THSD7B: variants seen among roughly 807,000 people sequenced by gnomAD.
THSD7B encodes the protein thrombospondin type 1 domain containing 7B, also known as thrombospondin type-1 domain-containing protein 7B.
Under a neutral mutation model 213.6 loss-of-function variants are expected in THSD7B, and 138 were observed. The observed-to-expected ratio is 0.65, with a 90% CI of 0.56 to 0.74. The LOEUF (loss-of-function observed/expected upper bound fraction) is 0.74, where lower values mean the gene tolerates loss of function less well. Among genes scored for constraint, THSD7B ranks in the 30% least tolerant of loss-of-function variants. THSD7B has a pLI of 0.00. For missense variants in THSD7B, 1,931 were observed against 1,991.5 expected (o/e 0.97, Z 0.58); for synonymous variants, 742 against 687.0 (o/e 1.08, Z -1.25).
chr2:137,450,559 C>T (rs1344881818), intron 14 of THSD7B, among the ~76,000 whole-genome samples: 1 of 152,150 alleles, frequency 6.6e-6, no homozygotes, highest in Non-Finnish European at 1.5e-5. Context: ...CCATCTTTAG[C>T]CCTGAGCTAC....
Position 136,885,069 on chromosome 2 carries a change from T to C in THSD7B, c.139+2752T>C, listed in dbSNP as rs143863697. 3.3e-3 allele frequency among the ~76,000 whole-genome samples: 499 copies of C among 152,308 alleles called. 3 individuals are homozygous for C. Among genetic ancestry groups the C allele is most frequent in the African/African-American group, 0.011 (477 of 41,568 alleles). ...ACACTGTATTGCAGTTGAAATTAGC[T>C]GTATTTTTAGGGTATGTTATCAAAT... On this transcript the variant is annotated intron_variant, in intron 2 of 27. Coordinates refer to ENST00000409968, the MANE Select transcript of THSD7B (RefSeq NM_001316349.2).
intron 2 of THSD7B, among the ~76,000 whole-genome samples, chr2:136,954,743 A>G (rs1377132573): frequency 1.3e-5 from 2 of 150,140 alleles, no homozygotes; most frequent in African/African-American, 4.9e-5. Context: ...AAGAAATTAC[A>G]TAAGAGCTTT....
intron 17 of THSD7B, among the ~76,000 whole-genome samples, chr2:137,591,770 A>G (rs1267359769): frequency 1.3e-5 from 2 of 151,878 alleles, no homozygotes; most frequent in Non-Finnish European, 2.9e-5. Flanking sequence ...ATGCCACGTT[A>G]TTTAGCTTAA....
At chr2:137,255,562 A>T (rs1682287455) in intron 10 of THSD7B, among the ~76,000 whole-genome samples, 1 of 152,154 alleles carries the variant, frequency 6.6e-6, no homozygotes, top group East Asian at 1.9e-4. Flanking sequence ...GTGAACTCTC[A>T]CCCTAATACT....
At chr2:137,361,491 A>C (rs1177466859) in intron 12 of THSD7B, among the ~76,000 whole-genome samples, 1 of 152,174 alleles carries the variant, frequency 6.6e-6, no homozygotes, top group East Asian at 1.9e-4. Flanking sequence ...TTGAAAAAAG[A>C]TTAGACGAAT....
intron 4 of THSD7B, among the ~76,000 whole-genome samples, chr2:137,110,042 C>A (rs1156578374): frequency 1.3e-5 from 2 of 152,140 alleles, no homozygotes; most frequent in Non-Finnish European, 2.9e-5. Flanking sequence ...ACTTGCCCAA[C>A]ATCCTTATGC....
chr2:136,902,519 G>C (rs1684080172), intron 2 of THSD7B, among the ~76,000 whole-genome samples: 2 of 152,200 alleles, frequency 1.3e-5, no homozygotes, highest in Admixed American at 6.5e-5. Context: ...CGCCCTCTGA[G>C]TCTGTCCTCC....
chr2:136,793,729 AT>A (rs1406093223), intron 1 of THSD7B, among the ~76,000 whole-genome samples: 3 of 151,832 alleles, frequency 2.0e-5, no homozygotes, highest in Non-Finnish European at 4.4e-5. Flanking sequence ...ATGATGTGTA[AT>A]TTATTTTCTT....
chr2:137,456,443 G>A (rs777656721), intron 15 of THSD7B, among the ~76,000 whole-genome samples: 2 of 152,180 alleles, frequency 1.3e-5, no homozygotes, highest in Non-Finnish European at 2.9e-5. Context: ...GAAATATATG[G>A]CTATGCTTCA....
At chr2:137,396,852 A>G (rs1686205090) in intron 12 of THSD7B, among the ~76,000 whole-genome samples, 1 of 151,720 alleles carries the variant, frequency 6.6e-6, no homozygotes, top group South Asian at 2.1e-4. Context: ...GTGCTCCTGT[A>G]TTGGATGCAT....
intron 3 of THSD7B, among the ~76,000 whole-genome samples, chr2:137,092,457 C>G (rs2104916096): frequency 6.6e-6 from 1 of 151,996 alleles, no homozygotes; most frequent in Non-Finnish European, 1.5e-5. Flanking sequence ...AATATTGGAC[C>G]AGAGGAAGAT....
At chr2:136,869,005 G>T (rs1683388512) in intron 1 of THSD7B, among the ~76,000 whole-genome samples, 1 of 151,994 alleles carries the variant, frequency 6.6e-6, no homozygotes, top group Admixed American at 6.6e-5. Context: ...CCAAACAACA[G>T]ATTATATAGA....
Position 137,676,838 on chromosome 2 carries a change from C to A in THSD7B, c.*233C>A. 1 of 354,784 alleles carries A rather than the reference C, an allele frequency of 2.8e-6. No homozygotes were observed. Among genetic ancestry groups the A allele is most frequent in the Non-Finnish European group, 5.0e-6 (1 of 201,402 alleles). 22.0% of individuals were successfully genotyped at this position (354,784 alleles called of 1,614,324 possible). On this transcript the variant is annotated 3_prime_UTR_variant, in exon 28 of 28. Transcript: ENST00000409968. ...GTGTGTTTTATTTTTTTGGTTTTCC[C>A]AAGGGACCTGAAAACCCTTCTCTTC... is the stretch of plus-strand genomic sequence containing the variant.
intron 12 of THSD7B, among the ~76,000 whole-genome samples, chr2:137,382,460 G>A (rs1685798985): frequency 6.6e-6 from 1 of 152,234 alleles, no homozygotes; most frequent in African/African-American, 2.4e-5. Context: ...GGCAGCACAT[G>A]GAGCACTTGA....
intron 8 of THSD7B, 68 bp from the exon 9 acceptor site, chr2:137,232,831 A>G: frequency 6.9e-7 from 1 of 1,449,136 alleles, no homozygotes; most frequent in Non-Finnish European, 9.6e-7. Flanking sequence ...AGACCATTAA[A>G]GCAGCAGAAA....
intron 2 of THSD7B, among the ~76,000 whole-genome samples, chr2:136,947,147 A>T (rs889491541): frequency 1.3e-5 from 2 of 152,118 alleles, no homozygotes; most frequent in African/African-American, 4.8e-5. Context: ...TCTTAATGTG[A>T]TTGTATGTCG....
At chr2:136,808,330 AT>A (rs1682322486) in intron 1 of THSD7B, among the ~76,000 whole-genome samples, 1 of 152,180 alleles carries the variant, frequency 6.6e-6, no homozygotes, top group Non-Finnish European at 1.5e-5. Flanking sequence ...TATGTCATAC[AT>A]TTGTAATTGA....
Position 137,663,443 on chromosome 2 carries a change from G to A in THSD7B, c.4519G>A (p.Asp1507Asn). The A allele has an allele frequency of 6.3e-7, 1 of 1,595,440 alleles. No individual in the cohort carries two copies. Among genetic ancestry groups the A allele is most frequent in the East Asian group, 2.3e-5 (1 of 44,414 alleles). The change falls in exon 26 of 28, where the codon GAT becomes AAT. Residue 1507 changes from aspartate to asparagine, a missense_variant. Physicochemically the swap from Asp to Asn is conservative, Grantham distance 23. Transcript: ENST00000409968. Reference sequence around the variant, plus strand: ...GATAATGAAATCAAATGGTTTCCTGGATTACTGCATGAAAGTACCAGGCTC... The same window carrying A: ...GATAATGAAATCAAATGGTTTCCTGAATTACTGCATGAAAGTACCAGGCTC... ...TEIMKSNGFL[D>N]YCMKVPGSED...
At chr2:137,155,511 G>A (rs1365689808) in intron 5 of THSD7B, among the ~76,000 whole-genome samples, 1 of 152,198 alleles carries the variant, frequency 6.6e-6, no homozygotes, top group Admixed American at 6.5e-5. Flanking sequence ...GCTGGAGTTT[G>A]GCCAAAGAGA....
Sources: allele counts gnomAD v4.1 joint callset (sites outside exome capture counted in the v4.1 genomes callset), GRCh38; gene constraint gnomAD v4.1.1; transcripts MANE v1.5; gene names NCBI Gene and HGNC (gene_info 2026-07-23, HGNC 2026-07-21).